Variants in ABCC9 observed in about 807,000 individuals in gnomAD.
The protein encoded by ABCC9 is ATP binding cassette subfamily C member 9.
In ABCC9, 95 loss-of-function variants were observed where a neutral mutation model predicts 188.3. That is an observed-to-expected ratio of 0.50 (90% CI 0.43 to 0.60). The LOEUF (loss-of-function observed/expected upper bound fraction) is 0.60, where lower values mean the gene tolerates loss of function less well. Ranked by LOEUF, ABCC9 falls within the 20% of genes least tolerant of loss-of-function variation. The pLI is 0.00. For synonymous variants in ABCC9, 659 were observed against 652.7 expected (o/e 1.01, Z -0.15); for missense variants, 1,102 against 1,876.3 (o/e 0.59, Z 7.62).
At chr12:21,817,421 C>G in intron 32 of ABCC9, 114 bp from the exon 33 acceptor site, 1 of 962,738 alleles carries the variant, frequency 1.0e-6, no homozygotes, top group Non-Finnish European at 1.6e-6. Flanking sequence ...ATGTGTGATA[C>G]AACTCATAAG....
At chr12:21,929,010 G>A (rs1949164622) in intron 4 of ABCC9, among the ~76,000 whole-genome samples, 1 of 151,918 alleles carries the variant, frequency 6.6e-6, no homozygotes, top group Non-Finnish European at 1.5e-5. Flanking sequence ...TTGCAAAGGT[G>A]AAAGAAATCA....
intron 7 of ABCC9, among the ~76,000 whole-genome samples, chr12:21,915,194 C>G (rs1370408231): frequency 6.8e-6 from 1 of 146,780 alleles, no homozygotes; most frequent in Non-Finnish European, 1.5e-5. Flanking sequence ...AGCCATCGTG[C>G]CTGGCCTAAG....
chr12:21,925,307 TAGAG>T (rs200785815), intron 5 of ABCC9: 7,224 of 509,902 alleles, frequency 0.014, 97 homozygotes, highest in Middle Eastern at 0.048. Flanking sequence ...AGGAATATTT[TAGAG>T]AGCCTCTGAT....
At chr12:21,828,330 C>CCAATCAGTGTAGTAGGGGA in intron 31 of ABCC9, 1 of 155,514 alleles carries the variant, frequency 6.4e-6, no homozygotes, top group East Asian at 1.9e-4. Context: ...AAAGACATTT[C>CCAATCAGTGTAGTAGGGGA]TTGAATGCAT....
At chr12:21,818,753 T>C (rs1942845475) in intron 31 of ABCC9, among the ~76,000 whole-genome samples, 2 of 151,662 alleles carry the variant, frequency 1.3e-5, no homozygotes, top group Admixed American at 6.6e-5. Flanking sequence ...TATGTCAGGA[T>C]TATGATTAGC....
intron 16 of ABCC9, among the ~76,000 whole-genome samples, chr12:21,879,213 A>G (rs1390057188): frequency 3.3e-5 from 5 of 152,224 alleles, no homozygotes; most frequent in Non-Finnish European, 7.3e-5. Context: ...AGATATGGGC[A>G]TGCCTAAGCA....
chr12:21,930,922 A>G lies in ABCC9; in HGVS notation c.284+2860T>C, dbSNP rs373436638. Among the ~76,000 whole-genome samples the G allele has an allele frequency of 4.6e-5, 7 of 152,282 alleles. No homozygotes were observed. In the South Asian group the frequency reaches 8.3e-4, roughly 18 times the overall value. ...TGTGGGGGAAAGATGTATATAGGGAATCTCTCTATTTTCTACTCAATTTTG... is the reference window on the plus strand; with the variant it reads ...TGTGGGGGAAAGATGTATATAGGGAGTCTCTCTATTTTCTACTCAATTTTG... On this transcript the variant is annotated intron_variant, in intron 4 of 39. Transcript: ENST00000261200.
At chr12:21,829,314 G>A (rs1372922924) in intron 30 of ABCC9, among the ~76,000 whole-genome samples, 1 of 137,456 alleles carries the variant, frequency 7.3e-6, no homozygotes, top group African/African-American at 2.7e-5. Context: ...CCATTCTTCT[G>A]CCTCAGCCTC....
At chr12:21,906,060 T>C in intron 12 of ABCC9, 66 bp downstream of exon 12, 2 of 1,509,544 alleles carry the variant, frequency 1.3e-6, no homozygotes, top group East Asian at 4.5e-5. Context: ...CAATCTAAAC[T>C]GAATAGACTG....
rs1949105259 is a variant in ABCC9, at chr12:21,927,915, CTA to C, written c.285-1854_285-1853del. 2.0e-5 allele frequency among the ~76,000 whole-genome samples: 3 copies of C among 152,066 alleles called. No homozygotes were observed. In the South Asian group the frequency reaches 6.2e-4, roughly 31 times the overall value. ...AGGAAATGCTTCTAATATTCTCTGA[CTA>C]TTGAATCAAAGAAAGAATCTGGCTG... On this transcript the variant is annotated intron_variant, in intron 4 of 39. Coordinates refer to ENST00000261200, the MANE Select transcript of ABCC9 (RefSeq NM_020297.4).
intron 30 of ABCC9, among the ~76,000 whole-genome samples, chr12:21,835,208 C>A (rs1056546380): frequency 6.6e-6 from 1 of 152,166 alleles, no homozygotes; most frequent in Admixed American, 6.6e-5. Flanking sequence ...GAGATATTAA[C>A]AGAAAGTAGT....
intron 29 of ABCC9, among the ~76,000 whole-genome samples, chr12:21,840,477 T>C (rs528823017): frequency 6.6e-6 from 1 of 152,334 alleles, no homozygotes; most frequent in African/African-American, 2.4e-5. Flanking sequence ...ACAATTCAAA[T>C]TTGTGATGGA....
chr12:21,846,447 A>G (rs1944675785), intron 25 of ABCC9, among the ~76,000 whole-genome samples: 1 of 152,156 alleles, frequency 6.6e-6, no homozygotes, highest in Non-Finnish European at 1.5e-5. Context: ...GATCATTTCT[A>G]TGGTCCAGTG....
In ABCC9 at chr12:21,859,655, C is replaced by G; in HGVS notation, c.2436G>C (p.Leu812=). The G allele has an allele frequency of 6.2e-7, 1 of 1,613,888 alleles. No individual in the cohort carries two copies. The change falls in exon 22 of 40, where the codon CTG becomes CTC. Residue 812 remains leucine (L), a synonymous_variant. Coordinates refer to ENST00000261200, the MANE Select transcript of ABCC9 (RefSeq NM_020297.4). ...AGATTCTCTGCCTCTGTCCCCCACTCAGGTTGATGCCCTAGAGAAGAGACA... is the reference window on the plus strand; with the variant it reads ...AGATTCTCTGCCTCTGTCCCCCACTGAGGTTGATGCCCTAGAGAAGAGACA... ...QTEIGERGIN[L]SGGQRQRICV... is the part of the protein sequence containing the mutation.
Position 21,915,815 on chromosome 12 carries a change from C to G in ABCC9, c.669G>C (p.Leu223=). ...VRFLQPFVNL[L]SKATYWWMNT... ...TCATCCACCAGTATGTTGCTTTTGA[C>G]AGCAAATTCACAAATGGTTGAAGAA... Residue 223 remains leucine (L), a synonymous_variant, in exon 7 of 40, where the codon CTG becomes CTC. Coordinates refer to ENST00000261200, the MANE Select transcript of ABCC9 (RefSeq NM_020297.4). 3.1e-6 allele frequency: 5 copies of G among 1,613,466 alleles called. No individual in the cohort carries two copies. Among genetic ancestry groups the G allele is most frequent in the Non-Finnish European group, 4.2e-6 (5 of 1,179,800 alleles).
chr12:21,846,902 G>A (rs1944697907), intron 25 of ABCC9, among the ~76,000 whole-genome samples: 1 of 151,970 alleles, frequency 6.6e-6, no homozygotes, highest in South Asian at 2.1e-4. Context: ...CAATGAAAGA[G>A]CCAATAATAA....
chr12:21,846,611 T>G (rs1310127232), intron 25 of ABCC9, among the ~76,000 whole-genome samples: 1 of 152,120 alleles, frequency 6.6e-6, no homozygotes. Context: ...CCAAATATGT[T>G]TATGATGAGA....
chr12:21,915,460 GTATATGTGTGTGTA>G (rs1174200319), intron 7 of ABCC9, among the ~76,000 whole-genome samples, 194 bp downstream of exon 7: 1 of 66,562 alleles, frequency 1.5e-5, no homozygotes, highest in Non-Finnish European at 3.1e-5. Context: ...ATATATGTGT[GTATATGTGTGTGTA>G]TATATGTGTG....
intron 16 of ABCC9, among the ~76,000 whole-genome samples, chr12:21,878,990 T>G (rs1188828838): frequency 1.3e-5 from 2 of 152,154 alleles, no homozygotes; most frequent in African/African-American, 4.8e-5. Context: ...CAAAGGATCA[T>G]GTAAGGATAG....
Sources: allele counts gnomAD v4.1 joint callset (sites outside exome capture counted in the v4.1 genomes callset), GRCh38; gene constraint gnomAD v4.1.1; transcripts MANE v1.5; gene names NCBI Gene and HGNC (gene_info 2026-07-23, HGNC 2026-07-21).